DPP10: variants seen among roughly 807,000 people sequenced by gnomAD.
The protein encoded by DPP10 is inactive dipeptidyl peptidase 10.
Under a neutral mutation model 120.9 loss-of-function variants are expected in DPP10, and 33 were observed. That is an observed-to-expected ratio of 0.27 (90% CI 0.21 to 0.37). The LOEUF (loss-of-function observed/expected upper bound fraction) is 0.37, where lower values mean the gene tolerates loss of function less well. Among genes scored for constraint, DPP10 ranks in the 10% least tolerant of loss-of-function variants. DPP10 has a pLI of 1.00. For missense variants in DPP10, 816 were observed against 942.8 expected (o/e 0.87, Z 1.76); for synonymous variants, 337 against 326.1 (o/e 1.03, Z -0.36).
intron 21 of DPP10, among the ~76,000 whole-genome samples, chr2:115,830,674 A>C (rs1688829717): frequency 6.6e-6 from 1 of 152,196 alleles, no homozygotes; most frequent in Non-Finnish European, 1.5e-5. Context: ...GATTCCAAAA[A>C]GTAAAGAAGA....
intron 1 of DPP10, among the ~76,000 whole-genome samples, chr2:114,673,250 T>G (rs1384284921): frequency 2.0e-5 from 3 of 152,228 alleles, no homozygotes; most frequent in African/African-American, 7.2e-5. Flanking sequence ...CCCTCCATAG[T>G]TCCACCCAGT....
At chr2:114,554,947 C>T (rs908729706) in intron 1 of DPP10, among the ~76,000 whole-genome samples, 1 of 152,178 alleles carries the variant, frequency 6.6e-6, no homozygotes, top group Non-Finnish European at 1.5e-5. Context: ...GCCAGGAGCA[C>T]AAGCAGTGTC....
intron 2 of DPP10, among the ~76,000 whole-genome samples, chr2:115,323,043 C>T (rs1402241709): frequency 1.3e-5 from 2 of 152,118 alleles, no homozygotes; most frequent in Non-Finnish European, 2.9e-5. Flanking sequence ...TAAAGTTTGC[C>T]ACATTAACTG....
At chr2:114,993,784 T>C (rs74812143) in intron 1 of DPP10, among the ~76,000 whole-genome samples, 2,106 of 152,142 alleles carry the variant, frequency 0.014, 43 homozygotes, top group African/African-American at 0.048. Flanking sequence ...TGTGTTTTTA[T>C]ACACATAGAT....
At chr2:114,954,998 A>C (rs1698093748) in intron 1 of DPP10, among the ~76,000 whole-genome samples, 1 of 152,214 alleles carries the variant, frequency 6.6e-6, no homozygotes, top group African/African-American at 2.4e-5. Flanking sequence ...GCCCCGAAAC[A>C]AATGGCTTTG....
intron 3 of DPP10, among the ~76,000 whole-genome samples, chr2:115,345,266 T>C (rs1037820204): frequency 6.6e-6 from 1 of 152,218 alleles, no homozygotes; most frequent in African/African-American, 2.4e-5. Context: ...TTGAATTGTT[T>C]ATAAATTTGA....
intron 3 of DPP10, among the ~76,000 whole-genome samples, chr2:115,414,049 C>G (rs185035776): frequency 7.2e-5 from 11 of 152,128 alleles, no homozygotes; most frequent in East Asian, 3.9e-4. Flanking sequence ...TGAGGAAGAG[C>G]CTTTAGCTTC....
At chr2:115,021,848 G>A (rs1375026060) in intron 1 of DPP10, among the ~76,000 whole-genome samples, 3 of 151,988 alleles carry the variant, frequency 2.0e-5, no homozygotes, top group Non-Finnish European at 2.9e-5. Context: ...ATGCAGGAAT[G>A]GATTAACATC....
intron 1 of DPP10, among the ~76,000 whole-genome samples, chr2:114,962,293 T>C (rs1187659871): frequency 1.3e-5 from 2 of 152,200 alleles, no homozygotes; most frequent in African/African-American, 4.8e-5. Flanking sequence ...GTTTTGCATA[T>C]ATAATTTCCT....
chr2:114,939,125 A>C (rs1184020114), intron 1 of DPP10, among the ~76,000 whole-genome samples: 1 of 152,140 alleles, frequency 6.6e-6, no homozygotes, highest in Non-Finnish European at 1.5e-5. Context: ...AAAAAGCTAG[A>C]GAAAAGAAAA....
chr2:115,578,685 A>G (rs1184263956), intron 5 of DPP10, among the ~76,000 whole-genome samples: 2 of 152,210 alleles, frequency 1.3e-5, no homozygotes, highest in South Asian at 2.1e-4. Context: ...TTACAGAAGC[A>G]TGTTTTATTG....
chr2:115,076,717 A>C (rs954328861), intron 1 of DPP10, among the ~76,000 whole-genome samples: 1 of 152,190 alleles, frequency 6.6e-6, no homozygotes, highest in Non-Finnish European at 1.5e-5. Flanking sequence ...TTCCATTTAC[A>C]AATGTAGCAT....
chr2:115,399,544 A>T (rs1214754962), intron 3 of DPP10, among the ~76,000 whole-genome samples: 1 of 152,176 alleles, frequency 6.6e-6, no homozygotes, highest in Non-Finnish European at 1.5e-5. Flanking sequence ...CCGAATTATT[A>T]AAAAATTGCT....
chr2:115,215,095 A>G (rs978838245), intron 1 of DPP10, among the ~76,000 whole-genome samples: 13 of 152,202 alleles, frequency 8.5e-5, no homozygotes, highest in Non-Finnish European at 1.6e-4. Context: ...GCGTTGTGAC[A>G]TACCTATATG....
At chr2:114,838,873 T>A in intron 1 of DPP10, among the ~76,000 whole-genome samples, 1 of 152,218 alleles carries the variant, frequency 6.6e-6, no homozygotes, top group Non-Finnish European at 1.5e-5. Context: ...ATCTCATTTT[T>A]AACCTCTCCT....
intron 1 of DPP10, among the ~76,000 whole-genome samples, chr2:115,158,956 G>A (rs1001562893): frequency 1.3e-5 from 2 of 151,384 alleles, no homozygotes; most frequent in Non-Finnish European, 2.9e-5. Flanking sequence ...AGGGCCTTTT[G>A]CAAGGTAATT....
At chr2:114,944,662 C>A (rs898504676) in intron 1 of DPP10, among the ~76,000 whole-genome samples, 1 of 152,144 alleles carries the variant, frequency 6.6e-6, no homozygotes, top group East Asian at 1.9e-4. Flanking sequence ...TATAACGTAA[C>A]AATGACTATC....
intron 1 of DPP10, among the ~76,000 whole-genome samples, chr2:114,681,410 T>G: frequency 6.6e-6 from 1 of 151,998 alleles, no homozygotes; most frequent in East Asian, 1.9e-4. Flanking sequence ...CTTCTCTGAT[T>G]CTTGATATTT....
chr2:114,875,152 AGTAGCTATCAAAG>A (rs1394077276), intron 1 of DPP10, among the ~76,000 whole-genome samples: 1 of 152,172 alleles, frequency 6.6e-6, no homozygotes, highest in African/African-American at 2.4e-5. Flanking sequence ...AATCAGAAGA[AGTAGCTATCAAAG>A]GTTTGAGAGT....
Sources: gnomAD v4.1 joint callset for allele counts (sites outside exome capture counted in the v4.1 genomes callset) on GRCh38, gnomAD v4.1.1 for gene constraint, MANE v1.5 for transcripts, NCBI Gene and HGNC (gene_info 2026-07-23, HGNC 2026-07-21) for gene names.